The following ZNF33B variants were observed in gnomAD, a reference collection of about 807,000 sequenced individuals.
The protein encoded by ZNF33B is zinc finger protein 33B.
In ZNF33B, 29 loss-of-function variants were observed where a neutral mutation model predicts 45.8. The observed-to-expected ratio is 0.63, with a 90% CI of 0.47 to 0.86. The LOEUF (loss-of-function observed/expected upper bound fraction) is 0.86, where lower values mean the gene tolerates loss of function less well. Ranked by LOEUF, ZNF33B falls within the 40% of genes least tolerant of loss-of-function variation. The pLI is 0.00. For synonymous variants in ZNF33B, 305 were observed against 307.8 expected, an observed-to-expected ratio of 0.99 and a Z score of 0.10; for missense variants, 831 against 909.9, an observed-to-expected ratio of 0.91 and a Z score of 1.12.
In ZNF33B at chr10:42,593,618, A is replaced by G. The variant is rs765694972; in HGVS notation, c.1332T>C (p.Tyr444=). The part of the protein sequence containing the change: ...THTGQKPYEC[Y]ECGKSFCMNS... ...TCATACAGAAGGATTTTCCACATTC[A>G]TAACATTCATAGGGTTTCTGCCCTG... Residue 444 remains tyrosine (Y), a synonymous_variant, in exon 5 of 5, where the codon TAT becomes TAC. Transcript: ENST00000359467. 22 of 1,613,926 alleles carry G rather than the reference A, an allele frequency of 1.4e-5. No homozygotes were observed. In the African/African-American group the frequency reaches 1.9e-4, roughly 14 times the overall value.
intron 4 of ZNF33B, among the ~76,000 whole-genome samples, chr10:42,600,899 A>C (rs1279672316): frequency 1.3e-5 from 2 of 149,560 alleles, no homozygotes; most frequent in Non-Finnish European, 3.0e-5. Flanking sequence ...ATACATATCC[A>C]AGTAGTCAAC....
At chr10:42,619,463 T>C (rs1350179691) in intron 4 of ZNF33B, among the ~76,000 whole-genome samples, 1 of 152,204 alleles carries the variant, frequency 6.6e-6, no homozygotes, top group Admixed American at 6.5e-5. Context: ...AGTTTGTTAC[T>C]ACTAGGCCTG....
chr10:42,630,006 T>G (rs908090998), intron 4 of ZNF33B, among the ~76,000 whole-genome samples: 1 of 152,210 alleles, frequency 6.6e-6, no homozygotes, highest in Non-Finnish European at 1.5e-5. Flanking sequence ...ATACAGAGCA[T>G]TTTGCTCCAA....
intron 4 of ZNF33B, among the ~76,000 whole-genome samples, chr10:42,612,696 T>A (rs1254136174): frequency 1.3e-5 from 2 of 152,198 alleles, no homozygotes; most frequent in African/African-American, 4.8e-5. Flanking sequence ...CTTTTAGGAT[T>A]AGAGAAAAAA....
intron 1 of ZNF33B, 30 bp from the exon 2 acceptor site, chr10:42,637,002 G>T: frequency 6.2e-7 from 1 of 1,610,618 alleles, no homozygotes; most frequent in Non-Finnish European, 8.5e-7. Flanking sequence ...ATGGGGTCAT[G>T]AAAGATTTGG....
chr10:42,614,248 T>C (rs1838221612), intron 4 of ZNF33B: 1 of 154,892 alleles, frequency 6.5e-6, no homozygotes, highest in Non-Finnish European at 1.5e-5. Flanking sequence ...AGAAAAACAT[T>C]AGATACATTC....
chr10:42,586,274 C>G (rs183550263), downstream of ZNF33B, among the ~76,000 whole-genome samples: 280 of 151,580 alleles, frequency 1.8e-3, 2 homozygotes, highest in African/African-American at 6.3e-3. Flanking sequence ...CTGCCTCAGC[C>G]TCCCGAGTAG....
chr10:42,622,295 T>A (rs1838624832), intron 4 of ZNF33B, among the ~76,000 whole-genome samples: 1 of 152,178 alleles, frequency 6.6e-6, no homozygotes, highest in African/African-American at 2.4e-5. Flanking sequence ...ACAATCCCTA[T>A]CAAAATTCCA....
rs768356505 is a variant in ZNF33B, at chr10:42,632,357, G to A, written c.92C>T (p.Pro31Leu). 1.8e-5 allele frequency: 29 copies of A among 1,613,516 alleles called. No homozygotes were observed. Among genetic ancestry groups the A allele is most frequent in the Non-Finnish European group, 2.4e-5 (28 of 1,179,900 alleles). The part of the protein sequence containing the change: ...FTQEEWQHLD[P>L]SQRALYRDVM... ...ATCTCTATACAGAGCCCTCTGACTAGGGTCCAGGTGCTGCCACTCCTCCTG... is the reference window on the plus strand; with the variant it reads ...ATCTCTATACAGAGCCCTCTGACTAAGGTCCAGGTGCTGCCACTCCTCCTG... Residue 31 changes from proline (P) to leucine (L), a missense_variant, in exon 3 of 5, where the codon CCT becomes CTT. Pro to Leu is a moderately conservative substitution (Grantham distance 98, BLOSUM62 -3). Coordinates refer to ENST00000359467, the MANE Select transcript of ZNF33B (RefSeq NM_006955.3).
chr10:42,629,919 G>A (rs1838974386), intron 4 of ZNF33B, among the ~76,000 whole-genome samples: 1 of 152,152 alleles, frequency 6.6e-6, no homozygotes, highest in Non-Finnish European at 1.5e-5. Flanking sequence ...CAAGTGAAAT[G>A]TACCAAGTTT....
intron 1 of ZNF33B, among the ~76,000 whole-genome samples, chr10:42,575,734 A>ATTTTT (rs1308584648): frequency 6.8e-6 from 1 of 146,652 alleles, no homozygotes; most frequent in African/African-American, 2.5e-5. Context: ...ATATACATAT[A>ATTTTT]TATTTTTTTT....
rs540738998 is a variant in ZNF33B, at chr10:42,601,389, T to A, written c.251-6690A>T. ...ACTGTTTTCTGTTCTTTTCCCACTT[T>A]CCTTTTAGAGACTCCAATTCCATGT... On this transcript the variant is annotated intron_variant, in intron 4 of 4. Coordinates refer to ENST00000359467, the MANE Select transcript of ZNF33B (RefSeq NM_006955.3). Among the ~76,000 whole-genome samples the A allele has an allele frequency of 2.0e-5, 3 of 152,142 alleles. No homozygotes were observed. In the East Asian group the frequency reaches 5.8e-4, roughly 29 times the overall value.
intron 4 of ZNF33B, among the ~76,000 whole-genome samples, chr10:42,609,900 T>G (rs891913234): frequency 1.3e-4 from 20 of 152,038 alleles, no homozygotes; most frequent in African/African-American, 4.8e-4. Flanking sequence ...AGGAATACAG[T>G]TAAACTTCCT....
chr10:42,638,218 C>G (rs1191593307), intron 1 of ZNF33B, among the ~76,000 whole-genome samples: 1 of 152,266 alleles, frequency 6.6e-6, no homozygotes, highest in African/African-American at 2.4e-5. Context: ...GCGCTCGGAC[C>G]GCGCAAGCGC....
chr10:42,594,769 C>G (rs1182018050), intron 4 of ZNF33B, 70 bp from the exon 5 acceptor site: 1 of 1,480,574 alleles, frequency 6.8e-7, no homozygotes, highest in Admixed American at 2.5e-5. Flanking sequence ...AATCTCTACA[C>G]AAATGCCCTA....
chr10:42,637,610 AATT>A (rs778536021), intron 1 of ZNF33B, among the ~76,000 whole-genome samples: 1 of 152,198 alleles, frequency 6.6e-6, no homozygotes, highest in East Asian at 1.9e-4. Flanking sequence ...AAAACAAAAA[AATT>A]ATTTTTTCTT....
chr10:42,613,099 T>C (rs1442329558), intron 4 of ZNF33B, among the ~76,000 whole-genome samples: 1 of 152,212 alleles, frequency 6.6e-6, no homozygotes, highest in African/African-American at 2.4e-5. Context: ...TTGACCTTAA[T>C]TGCTTTGGAA....
chr10:42,619,107 CTG>C (rs1471097607), intron 4 of ZNF33B, among the ~76,000 whole-genome samples: 5 of 151,068 alleles, frequency 3.3e-5, no homozygotes, highest in African/African-American at 1.2e-4. Flanking sequence ...CAGCTCCCAA[CTG>C]TCCCCACACA....
chr10:42,581,965 A>G (rs1836834165), intron 1 of ZNF33B: 1 of 152,212 alleles, frequency 6.6e-6, no homozygotes, highest in African/African-American at 2.4e-5. Context: ...AAATACAAAA[A>G]TTAGCCAGGG....
Sources: allele counts gnomAD v4.1 joint callset (sites outside exome capture counted in the v4.1 genomes callset), GRCh38; gene constraint gnomAD v4.1.1; transcripts MANE v1.5; gene names NCBI Gene and HGNC (gene_info 2026-07-23, HGNC 2026-07-21).